Variants in SEPTIN11 observed in about 807,000 individuals in gnomAD.
SEPTIN11 encodes the protein septin-11.
SEPTIN11 carries 25 observed loss-of-function variants against 51.4 expected under a neutral mutation model. That is an observed-to-expected ratio of 0.49 (90% CI 0.35 to 0.68). SEPTIN11 has a LOEUF of 0.68. Among genes scored for constraint, SEPTIN11 ranks in the 30% least tolerant of loss-of-function variants. The pLI, the probability that SEPTIN11 is intolerant of heterozygous loss-of-function variation, is 0.00. For missense variants in SEPTIN11, 381 were observed against 520.8 expected (o/e 0.73, Z 2.61); for synonymous variants, 174 against 184.1 (o/e 0.95, Z 0.44).
intron 1 of SEPTIN11, among the ~76,000 whole-genome samples, chr4:76,969,637 G>A (rs557024431): frequency 6.6e-6 from 1 of 152,268 alleles, no homozygotes; most frequent in South Asian, 2.1e-4. Context: ...ATGCAATCCA[G>A]TCGATAGGAG....
chr4:76,954,633 G>A (rs1721480542), intron 1 of SEPTIN11, among the ~76,000 whole-genome samples: 1 of 152,198 alleles, frequency 6.6e-6, no homozygotes, highest in South Asian at 2.1e-4. Flanking sequence ...TTTGCTGGGC[G>A]ATCTAAAATG....
At chr4:76,991,428 C>T (rs1723369352) in intron 1 of SEPTIN11, among the ~76,000 whole-genome samples, 1 of 152,236 alleles carries the variant, frequency 6.6e-6, no homozygotes, top group Non-Finnish European at 1.5e-5. Flanking sequence ...ACATATTTTA[C>T]AGCAGCGCTC....
chr4:76,969,288 T>C (rs1353520850), intron 1 of SEPTIN11, among the ~76,000 whole-genome samples: 1 of 152,160 alleles, frequency 6.6e-6, no homozygotes, highest in Non-Finnish European at 1.5e-5. Context: ...TAATTCTGAT[T>C]TGGGAGACAG....
intron 3 of SEPTIN11, among the ~76,000 whole-genome samples, chr4:77,008,274 A>G (rs1206102056): frequency 1.3e-5 from 2 of 152,186 alleles, no homozygotes; most frequent in African/African-American, 4.8e-5. Context: ...TTTGCCCCAC[A>G]CTGGGGAGAT....
chr4:77,018,168 G>A (rs1418747399), intron 5 of SEPTIN11, among the ~76,000 whole-genome samples: 7 of 151,844 alleles, frequency 4.6e-5, no homozygotes, highest in South Asian at 2.1e-4. Context: ...GGCTGGGCAC[G>A]GTGACTCACG....
At position 76,974,258 on chromosome 4, in the gene SEPTIN11, T is replaced by C. The variant is rs190922563; in HGVS notation, c.28-22167T>C. Among the ~76,000 whole-genome samples, 12 of 152,300 alleles carry C rather than the reference T, an allele frequency of 7.9e-5. No individual in the cohort carries two copies. The South Asian group carries it at 2.3e-3, about 29-fold the overall frequency. ...TTCCTAATTCCTTTTCCTGTTGTCC[T>C]CTTTCTTTCTTAAAATTATCCCCCT... On this transcript the variant is annotated intron_variant, in intron 1 of 9. Coordinates refer to ENST00000264893, the MANE Select transcript of SEPTIN11 (RefSeq NM_018243.4).
Position 77,019,222 on chromosome 4 carries a change from A to G in SEPTIN11, c.745A>G (p.Met249Val). 6.2e-7 allele frequency: 1 copy of G among 1,613,660 alleles called. No individual in the cohort carries two copies. Among genetic ancestry groups the G allele is most frequent in the Non-Finnish European group, 8.5e-7 (1 of 1,179,882 alleles). ...CGAAGAGGTGAAGATTGGCAACAAG[A>G]TGGCAAAGGCCAGGCAGTACCCCTG... ...STEEVKIGNK[M>V]AKARQYPWGV... The change falls in exon 6 of 10, where the codon ATG becomes GTG. Residue 249 changes from methionine to valine, a missense_variant. Transcript: ENST00000264893.
At position 77,036,863 on chromosome 4, in the gene SEPTIN11, G is replaced by GA; in HGVS notation, c.*2352dup. 2 of 1,435,248 alleles carry GA rather than the reference G, an allele frequency of 1.4e-6. No homozygotes were observed. The highest frequency in any genetic ancestry group is 1.8e-6 in the Non-Finnish European group (2 of 1,103,230). The allele number at this position is 1,435,248 out of a possible 1,614,324, so 88.9% of individuals were successfully genotyped here. A position where few individuals can be genotyped will look rare whatever the true frequency, so the allele number is the denominator to read the frequency against. On this transcript the variant is annotated 3_prime_UTR_variant, in exon 10 of 10. Coordinates refer to ENST00000264893, the MANE Select transcript of SEPTIN11 (RefSeq NM_018243.4). ...GTAAGTACGGTAGTAAGAAACCTTTGAGATCTTTCTGACTTTTCAAAATTA... is the reference window on the plus strand; with the variant it reads ...GTAAGTACGGTAGTAAGAAACCTTTGAAGATCTTTCTGACTTTTCAAAATTA...
At chr4:77,015,221 T>C (rs1725136747) in intron 5 of SEPTIN11, among the ~76,000 whole-genome samples, 1 of 152,202 alleles carries the variant, frequency 6.6e-6, no homozygotes, top group Non-Finnish European at 1.5e-5. Flanking sequence ...CAAGATGATC[T>C]CAAATTTCCT....
At position 77,014,841 on chromosome 4, in the gene SEPTIN11, G is replaced by A. The variant is rs770653471; in HGVS notation, c.526-15G>A. 45 of 1,611,178 alleles carry A rather than the reference G, an allele frequency of 2.8e-5. No individual in the cohort carries two copies. Among genetic ancestry groups the A allele is most frequent in the Non-Finnish European group, 3.6e-5 (42 of 1,178,786 alleles). ...ATGTTGGAATTGTGTAAAAATGGAC[G>A]TGTCTGTTTTACAGGTGAACATCAT... is the stretch of plus-strand genomic sequence containing the variant. On this transcript the variant is annotated splice_polypyrimidine_tract_variant and intron_variant, in intron 4 of 9. Coordinates refer to ENST00000264893, the MANE Select transcript of SEPTIN11 (RefSeq NM_018243.4).
intron 1 of SEPTIN11, among the ~76,000 whole-genome samples, chr4:76,964,897 CAGAAAGCTTAGCTCCTGAGAGAAGT>C (rs1721968028): frequency 6.6e-6 from 1 of 152,218 alleles, no homozygotes. Flanking sequence ...CTAGTCTCCT[CAGAAAGCTTAGCTCCTGAGAGAAGT>C]AGCTTGATTT....
intron 3 of SEPTIN11, 129 bp downstream of exon 3, chr4:77,005,925 G>T: frequency 2.6e-6 from 2 of 778,660 alleles, no homozygotes; most frequent in Non-Finnish European, 4.1e-6. Flanking sequence ...TGCCTAAAAG[G>T]TGTGATATTC....
chr4:77,007,514 C>T (rs993365792), intron 3 of SEPTIN11, among the ~76,000 whole-genome samples: 11 of 152,252 alleles, frequency 7.2e-5, no homozygotes, highest in East Asian at 1.9e-4. Flanking sequence ...GACTTTCCCT[C>T]GGGCTGCTGG....
chr4:77,035,557 G>A lies in SEPTIN11; in HGVS notation c.*1045G>A. 2.0e-6 allele frequency: 2 copies of A among 985,406 alleles called. No homozygotes were observed. The highest frequency in any genetic ancestry group is 2.4e-6 in the Non-Finnish European group (2 of 829,914). 61.0% of individuals were successfully genotyped at this position (985,406 alleles called of 1,614,324 possible). ...TCAATTTTAAGGTGGAAATAGGAAG[G>A]ACCACAACATGACCCGTAAGTCAAG... On this transcript the variant is annotated 3_prime_UTR_variant, in exon 10 of 10. Coordinates refer to ENST00000264893, the MANE Select transcript of SEPTIN11 (RefSeq NM_018243.4).
In SEPTIN11 at chr4:76,949,933, G is replaced by C; in HGVS notation, c.27+3G>C. On this transcript the variant is annotated splice_donor_region_variant and intron_variant, in intron 1 of 9. Transcript: ENST00000264893. Reference sequence around the variant, plus strand: ...CCGTGGCCGTGGGGAGACCGTCTGTGAGTGCTGGGGCCTCGCCTGCTGCTC... The same window carrying C: ...CCGTGGCCGTGGGGAGACCGTCTGTCAGTGCTGGGGCCTCGCCTGCTGCTC... 1 of 1,506,192 alleles carries C rather than the reference G, an allele frequency of 6.6e-7. No individual in the cohort carries two copies. The highest frequency in any genetic ancestry group is 8.8e-7 in the Non-Finnish European group (1 of 1,134,642). The allele number at this position is 1,506,192 out of a possible 1,614,324, so 93.3% of individuals were successfully genotyped here. A position where few individuals can be genotyped will look rare whatever the true frequency, so the allele number is the denominator to read the frequency against.
At chr4:76,952,369 A>G (rs551687804) in intron 1 of SEPTIN11, among the ~76,000 whole-genome samples, 4 of 152,324 alleles carry the variant, frequency 2.6e-5, no homozygotes, top group African/African-American at 9.6e-5. Flanking sequence ...AGATTTTTTA[A>G]AAAGTTATTT....
At chr4:76,959,253 G>GTT (rs369576947) in intron 1 of SEPTIN11, 9 of 135,966 alleles carry the variant, frequency 6.6e-5, no homozygotes, top group Non-Finnish European at 9.4e-5. Flanking sequence ...ACAAGACAAG[G>GTT]TTTTTTTTTT....
chr4:76,977,619 T>A (rs1479523492), intron 1 of SEPTIN11, among the ~76,000 whole-genome samples: 1 of 150,932 alleles, frequency 6.6e-6, no homozygotes, highest in Admixed American at 6.6e-5. Flanking sequence ...AAATCAATAT[T>A]TTTTTTCATT....
intron 1 of SEPTIN11, among the ~76,000 whole-genome samples, chr4:76,952,361 A>AT (rs1261250576): frequency 6.6e-6 from 1 of 152,146 alleles, no homozygotes; most frequent in African/African-American, 2.4e-5. Context: ...ATTTAATTAG[A>AT]TTTTTTAAAA....
Sources: gnomAD v4.1 joint callset for allele counts (sites outside exome capture counted in the v4.1 genomes callset) on GRCh38, gnomAD v4.1.1 for gene constraint, MANE v1.5 for transcripts, NCBI Gene and HGNC (gene_info 2026-07-23, HGNC 2026-07-21) for gene names.